The following TENM2 variants were observed in gnomAD, a reference collection of about 807,000 sequenced individuals.
TENM2 encodes teneurin transmembrane protein 2, also known as teneurin-2.
A neutral mutation model predicts 245.2 loss-of-function variants in TENM2; 52 were observed. The ratio of observed to expected loss-of-function variants is 0.21; its 90% confidence interval spans 0.17 to 0.27. The LOEUF (loss-of-function observed/expected upper bound fraction) is 0.27. Among genes scored for constraint, TENM2 ranks in the 10% least tolerant of loss-of-function variants. TENM2 has a pLI of 1.00. For missense variants in TENM2, 3,046 were observed against 3,666.8 expected, an observed-to-expected ratio of 0.83 and a Z score of 4.37; for synonymous variants, 1,363 against 1,438.9, an observed-to-expected ratio of 0.95 and a Z score of 1.19.
chr5:167,794,673 A>G (rs1001711325), intron 2 of TENM2, among the ~76,000 whole-genome samples: 1 of 152,232 alleles, frequency 6.6e-6, no homozygotes. Context: ...TAGGAGTCAG[A>G]TTCTTGGCAC....
At chr5:167,937,264 T>C (rs532010202) in intron 3 of TENM2, among the ~76,000 whole-genome samples, 103 of 152,254 alleles carry the variant, frequency 6.8e-4, no homozygotes, top group Non-Finnish European at 1.3e-3. Context: ...ATACTTTGTT[T>C]ATTCAGTCAC....
intron 1 of TENM2, among the ~76,000 whole-genome samples, chr5:167,358,498 A>T: frequency 6.8e-6 from 1 of 147,496 alleles, no homozygotes. Context: ...TAGTTATTTG[A>T]CCCTTGTGGT....
At chr5:168,097,996 A>G in intron 8 of TENM2, 30 bp from the exon 11 acceptor site, 3 of 1,545,944 alleles carry the variant, frequency 1.9e-6, no homozygotes, top group South Asian at 1.1e-5. Flanking sequence ...ACAGAGGAAA[A>G]GGTAAACACT....
chr5:167,603,364 G>A (rs4868803), intron 2 of TENM2, among the ~76,000 whole-genome samples: 76,311 of 152,034 alleles, frequency 0.5, 22,607 homozygotes, highest in Middle Eastern at 0.67. Context: ...TAGTGTCCAG[G>A]TTAAGAGATA....
At chr5:168,186,688 T>A (rs1271467040) in intron 13 of TENM2, 1 of 152,112 alleles carries the variant, frequency 6.6e-6, no homozygotes, top group Non-Finnish European at 1.5e-5. Context: ...AGTAGGTAGA[T>A]AAATAAATAA....
At chr5:168,141,465 A>G (rs1190076769) in intron 12 of TENM2, among the ~76,000 whole-genome samples, 1 of 152,212 alleles carries the variant, frequency 6.6e-6, no homozygotes, top group Admixed American at 6.5e-5. Context: ...CATATCTACC[A>G]GCTTCCCATC....
At chr5:167,580,684 T>C (rs907938290) in intron 2 of TENM2, among the ~76,000 whole-genome samples, 2 of 152,234 alleles carry the variant, frequency 1.3e-5, no homozygotes, top group Non-Finnish European at 2.9e-5. Context: ...GTCTACTGAA[T>C]ATTACTACAG....
At chr5:167,826,052 C>G (rs1265162051) in intron 2 of TENM2, among the ~76,000 whole-genome samples, 1 of 151,958 alleles carries the variant, frequency 6.6e-6, no homozygotes, top group Non-Finnish European at 1.5e-5. Context: ...CCAAGCTGCT[C>G]CAGTTGTAGA....
At chr5:167,885,276 T>C (rs1774195174) in intron 3 of TENM2, among the ~76,000 whole-genome samples, 1 of 152,242 alleles carries the variant, frequency 6.6e-6, no homozygotes, top group Non-Finnish European at 1.5e-5. Flanking sequence ...TATCTATTTT[T>C]ACTTTTGTTG....
intron 2 of TENM2, among the ~76,000 whole-genome samples, chr5:167,594,462 C>T (rs188944209): frequency 1.6e-4 from 25 of 152,304 alleles, no homozygotes; most frequent in Middle Eastern, 6.8e-3. Context: ...AAACAAATCT[C>T]TCTTCTAGAT....
chr5:167,228,254 T>A, the TENM2 span, among the ~76,000 whole-genome samples: 1 of 151,920 alleles, frequency 6.6e-6, no homozygotes, highest in African/African-American at 2.4e-5. Flanking sequence ...GGTCTCGAAC[T>A]CCTGACCTCA....
intron 20 of TENM2, among the ~76,000 whole-genome samples, chr5:168,213,006 T>C (rs2152556643): frequency 6.6e-6 from 1 of 152,328 alleles, no homozygotes; most frequent in Non-Finnish European, 1.5e-5. Context: ...ATCTCTCTCA[T>C]AGGTAGGCAC....
chr5:167,593,491 G>A (rs889769145), intron 2 of TENM2, among the ~76,000 whole-genome samples: 2 of 152,184 alleles, frequency 1.3e-5, no homozygotes, highest in Non-Finnish European at 2.9e-5. Context: ...TGCATCTGGA[G>A]AATTTAGGCC....
the TENM2 span, among the ~76,000 whole-genome samples, chr5:167,044,216 G>A: frequency 6.6e-6 from 1 of 152,156 alleles, no homozygotes; most frequent in Admixed American, 6.5e-5. Context: ...GTAAGATGGT[G>A]TATTAGAGAG....
intron 2 of TENM2, among the ~76,000 whole-genome samples, chr5:167,393,234 G>A (rs984558955): frequency 6.6e-6 from 1 of 151,516 alleles, no homozygotes; most frequent in Non-Finnish European, 1.5e-5. Flanking sequence ...TAGAAGGGAG[G>A]GATGAAGGAA....
chr5:168,059,316 G>A (rs1789831191), intron 6 of TENM2, among the ~76,000 whole-genome samples: 1 of 152,154 alleles, frequency 6.6e-6, no homozygotes, highest in South Asian at 2.1e-4. Flanking sequence ...ATCCATTCAG[G>A]TTTCCACAGT....
At chr5:168,215,135 A>G (rs1206282685) in exon 21 of TENM2, 2 of 1,613,920 alleles carry the variant, frequency 1.2e-6, no homozygotes, top group East Asian at 2.2e-5. Flanking sequence ...TACCGCGTCA[A>G]GTCTCTGAGT....
intron 5 of TENM2, among the ~76,000 whole-genome samples, chr5:168,030,158 C>CTTTTTTTTTTTTTTTTTTTTTTTTTTT (rs540326142): frequency 6.1e-5 from 4 of 65,288 alleles, no homozygotes; most frequent in Non-Finnish European, 2.8e-5. Flanking sequence ...GGTTCTGGCT[C>CTTTTTTTTTTTTTTTTTTTTTTTTTTT]TTTTTTTTTT....
chr5:167,431,974 T>TATATACACACATATATATAC (rs1207757851), intron 2 of TENM2, among the ~76,000 whole-genome samples: 2 of 143,258 alleles, frequency 1.4e-5, no homozygotes, highest in African/African-American at 2.7e-5. Context: ...TATATATATA[T>TATATACACACATATATATAC]ATATGGAAGT....
Sources: allele counts gnomAD v4.1 joint callset (sites outside exome capture counted in the v4.1 genomes callset), GRCh38; gene constraint gnomAD v4.1.1; transcripts MANE v1.5; gene names NCBI Gene and HGNC (gene_info 2026-07-23, HGNC 2026-07-21).